GATB: variants seen among roughly 807,000 people sequenced by gnomAD.
GATB encodes glutamyl-tRNA(Gln) amidotransferase subunit B, mitochondrial.
A neutral mutation model predicts 62.3 loss-of-function variants in GATB; 39 were observed. That is an observed-to-expected ratio of 0.63 (90% CI 0.48 to 0.82). GATB has a LOEUF of 0.82. Ranked by LOEUF, GATB falls within the 40% of genes least tolerant of loss-of-function variation. The pLI is 0.00. For missense variants in GATB, 670 were observed against 684.0 expected (o/e 0.98, Z 0.23); for synonymous variants, 276 against 258.9 (o/e 1.07, Z -0.63).
intron 9 of GATB, among the ~76,000 whole-genome samples, chr4:151,699,387 CA>C (rs35279340): frequency 0.037 from 2,991 of 80,052 alleles, 68 homozygotes; most frequent in African/African-American, 0.11. Context: ...GACCCTGTCT[CA>C]AAAAAAAAAA....
intron 2 of GATB, among the ~76,000 whole-genome samples, chr4:151,727,231 T>C (rs1247711759): frequency 1.3e-5 from 2 of 152,216 alleles, no homozygotes; most frequent in African/African-American, 4.8e-5. Context: ...CTTTATTGCT[T>C]TTCCATGTAC....
chr4:151,721,212 T>A (rs1314765441), intron 2 of GATB: 1 of 152,128 alleles, frequency 6.6e-6, no homozygotes, highest in Admixed American at 6.5e-5. Flanking sequence ...CACTCCAGCC[T>A]GGGCGACAGA....
chr4:151,756,115 G>T (rs1363967829), intron 2 of GATB, among the ~76,000 whole-genome samples: 1 of 152,182 alleles, frequency 6.6e-6, no homozygotes, highest in Non-Finnish European at 1.5e-5. Flanking sequence ...GGTAGAGGGC[G>T]GGGAAGAAGC....
intron 5 of GATB, among the ~76,000 whole-genome samples, chr4:151,715,387 G>A (rs905474806): frequency 2.0e-5 from 3 of 152,186 alleles, no homozygotes; most frequent in African/African-American, 7.2e-5. Context: ...AGAGCCATGA[G>A]GAAATTGAGT....
At chr4:151,734,314 C>A (rs1739325530) in intron 2 of GATB, among the ~76,000 whole-genome samples, 1 of 149,678 alleles carries the variant, frequency 6.7e-6, no homozygotes. Context: ...AAATGGAGAA[C>A]CAAATCAAGA....
chr4:151,751,638 C>T (rs1739723336), intron 2 of GATB, among the ~76,000 whole-genome samples: 1 of 152,176 alleles, frequency 6.6e-6, no homozygotes, highest in Non-Finnish European at 1.5e-5. Context: ...AGTTATATCA[C>T]AGTTTTTATT....
intron 2 of GATB, among the ~76,000 whole-genome samples, chr4:151,735,438 A>C (rs1739352724): frequency 6.6e-6 from 1 of 152,004 alleles, no homozygotes; most frequent in Non-Finnish European, 1.5e-5. Context: ...AAATCAAAAA[A>C]CAGTAGATGT....
intron 10 of GATB, among the ~76,000 whole-genome samples, chr4:151,680,826 T>TG (rs1738124358): frequency 6.6e-6 from 1 of 152,232 alleles, no homozygotes; most frequent in Non-Finnish European, 1.5e-5. Context: ...AATGCTCCAG[T>TG]GAGCATTTCC....
At chr4:151,675,518 C>G (rs928878358) in intron 11 of GATB, 1 of 152,230 alleles carries the variant, frequency 6.6e-6, no homozygotes, top group East Asian at 1.9e-4. Context: ...GCGGCCCTGT[C>G]TCCAGGCCAG....
intron 2 of GATB, 110 bp from the exon 3 acceptor site, chr4:151,719,648 ATCTCTGG>A: frequency 1.6e-6 from 1 of 641,432 alleles, no homozygotes; most frequent in Non-Finnish European, 2.6e-6. Context: ...AACAGGCATT[ATCTCTGG>A]TTCTCTGGGT....
intron 5 of GATB, among the ~76,000 whole-genome samples, chr4:151,710,765 C>A (rs2126974406): frequency 6.6e-6 from 1 of 152,282 alleles, no homozygotes; most frequent in Non-Finnish European, 1.5e-5. Flanking sequence ...GGCTTCCTTC[C>A]CATCCAAACC....
At chr4:151,697,960 T>TATATATATATATAA (rs1738514132) in intron 9 of GATB, among the ~76,000 whole-genome samples, 1 of 56,144 alleles carries the variant, frequency 1.8e-5, no homozygotes, top group African/African-American at 6.4e-5. Flanking sequence ...TGTGTATATA[T>TATATATATATATAA]ATATATATAT....
At chr4:151,709,903 T>G (rs1738784718) in intron 5 of GATB, among the ~76,000 whole-genome samples, 1 of 152,182 alleles carries the variant, frequency 6.6e-6, no homozygotes, top group Admixed American at 6.5e-5. Flanking sequence ...ATAACCTGTA[T>G]GTTCCCACTG....
chr4:151,710,031 G>A (rs1738786541), intron 5 of GATB, among the ~76,000 whole-genome samples: 1 of 152,026 alleles, frequency 6.6e-6, no homozygotes. Context: ...ATCCCTCAAG[G>A]ACTCACTTGA....
intron 11 of GATB, among the ~76,000 whole-genome samples, chr4:151,678,381 GA>G (rs1265311923): frequency 2.6e-5 from 4 of 152,144 alleles, no homozygotes; most frequent in Non-Finnish European, 5.9e-5. Context: ...GGATGAGTAG[GA>G]AAAGGGGAAG....
chr4:151,691,932 C>G (rs1738373359), intron 9 of GATB, among the ~76,000 whole-genome samples: 1 of 152,166 alleles, frequency 6.6e-6, no homozygotes, highest in African/African-American at 2.4e-5. Flanking sequence ...ACAAGGGACC[C>G]CCAGATGAGC....
intron 9 of GATB, among the ~76,000 whole-genome samples, chr4:151,693,136 T>C (rs1738400029): frequency 6.6e-6 from 1 of 151,972 alleles, no homozygotes; most frequent in Non-Finnish European, 1.5e-5. Context: ...TGGTCATTCT[T>C]ATAAAGTGAG....
intron 6 of GATB, among the ~76,000 whole-genome samples, chr4:151,706,803 CTT>C (rs1293552884): frequency 2.0e-5 from 3 of 152,174 alleles, no homozygotes; most frequent in African/African-American, 7.2e-5. Flanking sequence ...TACAGCAAAA[CTT>C]TGGCAACAGA....
chr4:151,745,843 C>T (rs867459033), intron 2 of GATB, among the ~76,000 whole-genome samples: 2 of 152,154 alleles, frequency 1.3e-5, no homozygotes, highest in Non-Finnish European at 2.9e-5. Flanking sequence ...GCCCTGAATG[C>T]TTTTTTAAAC....
Sources: allele counts gnomAD v4.1 joint callset (sites outside exome capture counted in the v4.1 genomes callset), GRCh38; gene constraint gnomAD v4.1.1; transcripts MANE v1.5; gene names NCBI Gene and HGNC (gene_info 2026-07-23, HGNC 2026-07-21).